Variants in FGGY observed in about 807,000 individuals in gnomAD.
FGGY encodes FGGY carbohydrate kinase domain containing.
FGGY carries 72 observed loss-of-function variants against 71.3 expected under a neutral mutation model. That is an observed-to-expected ratio of 1.01 (90% CI 0.84 to 1.23). The LOEUF is 1.23. Among genes scored for constraint, FGGY ranks in the 50% most tolerant of loss-of-function variants. The probability of loss-of-function intolerance (pLI) is 0.00; values close to 1 mark genes in which losing one functional copy is unlikely to be tolerated. For missense variants in FGGY, 668 were observed against 682.3 expected (o/e 0.98, Z 0.23); for synonymous variants, 251 against 250.3 (o/e 1.00, Z -0.02).
intron 14 of FGGY, among the ~76,000 whole-genome samples, chr1:59,718,794 C>T (rs1478084354): frequency 6.6e-6 from 1 of 152,192 alleles, no homozygotes; most frequent in African/African-American, 2.4e-5. Context: ...TACAAAGGCC[C>T]CTTGCCAAGC....
chr1:59,670,736 T>C (rs2097370206), intron 13 of FGGY, among the ~76,000 whole-genome samples: 1 of 152,128 alleles, frequency 6.6e-6, no homozygotes, highest in Admixed American at 6.5e-5. Context: ...AAGCAGCTTA[T>C]TATTTTGAAA....
At chr1:59,535,685 A>G (rs1462295445) in intron 7 of FGGY, among the ~76,000 whole-genome samples, 1 of 150,702 alleles carries the variant, frequency 6.6e-6, no homozygotes, top group Non-Finnish European at 1.5e-5. Flanking sequence ...ATCTCACTCA[A>G]AACCGCTCAA....
chr1:59,753,446 G>A (rs1160496876), intron 14 of FGGY, among the ~76,000 whole-genome samples: 4 of 124,204 alleles, frequency 3.2e-5, no homozygotes, highest in Non-Finnish European at 4.9e-5. Flanking sequence ...CATTTTGACT[G>A]TCTTTATAAG....
chr1:59,533,699 G>A (rs12085893), intron 7 of FGGY, among the ~76,000 whole-genome samples: 4,797 of 146,256 alleles, frequency 0.033, 255 homozygotes, highest in African/African-American at 0.12. Context: ...CCTGAACCCC[G>A]AGCAGCCTAA....
intron 2 of FGGY, among the ~76,000 whole-genome samples, chr1:59,328,354 C>T (rs1023919472): frequency 2.6e-5 from 4 of 152,294 alleles, no homozygotes; most frequent in Non-Finnish European, 5.9e-5. Flanking sequence ...TTTACTTAAA[C>T]CTCCTGAACC....
intron 11 of FGGY, among the ~76,000 whole-genome samples, chr1:59,653,527 C>T (rs547506205): frequency 1.4e-4 from 21 of 152,140 alleles, no homozygotes; most frequent in East Asian, 1.9e-4. Flanking sequence ...CAGGTGCGTC[C>T]GTCACCCCTT....
intron 4 of FGGY, among the ~76,000 whole-genome samples, chr1:59,358,914 T>C (rs1570944375): frequency 6.6e-6 from 1 of 152,174 alleles, no homozygotes; most frequent in Non-Finnish European, 1.5e-5. Context: ...GATGAAGAAA[T>C]TGAGGATGGA....
chr1:59,516,999 A>G (rs1447356474), intron 7 of FGGY, among the ~76,000 whole-genome samples: 1 of 152,148 alleles, frequency 6.6e-6, no homozygotes, highest in Non-Finnish European at 1.5e-5. Context: ...GGGAATAAAA[A>G]TCAATGATAA....
At chr1:59,492,032 A>G (rs1331839583) in intron 6 of FGGY, among the ~76,000 whole-genome samples, 1 of 152,146 alleles carries the variant, frequency 6.6e-6, no homozygotes, top group Non-Finnish European at 1.5e-5. Context: ...TTAGGGTGAT[A>G]AAGCTAATAT....
intron 14 of FGGY, among the ~76,000 whole-genome samples, chr1:59,681,991 A>G (rs1311753991): frequency 3.9e-5 from 6 of 152,232 alleles, no homozygotes; most frequent in African/African-American, 1.4e-4. Context: ...TCTGCAGTGA[A>G]CCATAAAAAA....
intron 8 of FGGY, among the ~76,000 whole-genome samples, chr1:59,607,322 C>G (rs1479453705): frequency 6.6e-6 from 1 of 152,190 alleles, no homozygotes. Context: ...GAGCGAAAGA[C>G]AGAACAGAAG....
At chr1:59,748,652 G>A (rs1035482892) in intron 14 of FGGY, among the ~76,000 whole-genome samples, 2 of 152,198 alleles carry the variant, frequency 1.3e-5, no homozygotes, top group Non-Finnish European at 2.9e-5. Context: ...TTCAAAAAGC[G>A]ATGGAACACT....
chr1:59,741,420 T>C (rs1368479289), intron 14 of FGGY, among the ~76,000 whole-genome samples: 32 of 152,188 alleles, frequency 2.1e-4, no homozygotes, highest in Admixed American at 2.1e-3. Context: ...GCTTGCCTTC[T>C]GTCATGATTG....
At chr1:59,734,666 T>A (rs1290352435) in intron 14 of FGGY, among the ~76,000 whole-genome samples, 2 of 152,356 alleles carry the variant, frequency 1.3e-5, no homozygotes, top group Non-Finnish European at 1.5e-5. Context: ...ATGAGGTGAT[T>A]GAGGAATGCC....
At chr1:59,428,850 A>G (rs1051111178) in intron 5 of FGGY, among the ~76,000 whole-genome samples, 1 of 152,198 alleles carries the variant, frequency 6.6e-6, no homozygotes, top group Non-Finnish European at 1.5e-5. Context: ...TGGCAGCATT[A>G]GAGGTGCTTT....
chr1:59,521,813 T>C (rs2094842134), intron 7 of FGGY, among the ~76,000 whole-genome samples: 1 of 152,204 alleles, frequency 6.6e-6, no homozygotes. Flanking sequence ...ACTCCTGATT[T>C]GTTATTCCAT....
At chr1:59,566,157 A>C (rs1259392247) in intron 8 of FGGY, among the ~76,000 whole-genome samples, 1 of 152,018 alleles carries the variant, frequency 6.6e-6, no homozygotes, top group Non-Finnish European at 1.5e-5. Flanking sequence ...AGTAACCCTC[A>C]GTAAGAGGAG....
In FGGY at chr1:59,378,825, G is replaced by A; in HGVS notation, c.542G>A (p.Gly181Asp). ...LPDFLSWKAT[G>D]VTARSLCSLV... is the part of the protein sequence containing the mutation. ...GACTTCTTATCGTGGAAGGCAACAG[G>A]TGTCACAGCACGGTATGTTAATTAC... Residue 181 changes from glycine to aspartate, a missense_variant, in exon 5 of 16, where the codon GGT (glycine) becomes GAT (aspartate). Gly to Asp is a moderately conservative substitution (Grantham distance 94). This residue lies in a region of FGGY where 661 missense variants were observed against 661.6 expected (regional missense o/e 1.00). Coordinates refer to ENST00000303721, the MANE Select transcript of FGGY (RefSeq NM_018291.5). 1.2e-6 allele frequency: 2 copies of A among 1,613,086 alleles called. No homozygotes were observed. The highest frequency in any genetic ancestry group is 1.7e-4 in the Middle Eastern group (1 of 6,058).
At chr1:59,673,405 G>A (rs1052049899) in intron 13 of FGGY, among the ~76,000 whole-genome samples, 4 of 152,160 alleles carry the variant, frequency 2.6e-5, no homozygotes, top group African/African-American at 9.7e-5. Flanking sequence ...GAAGCAGCAA[G>A]GAGGCCAGGA....
Sources: gnomAD v4.1 joint callset for allele counts (sites outside exome capture counted in the v4.1 genomes callset) on GRCh38, gnomAD v4.1.1 for gene constraint, gnomAD v4.1.1 regional missense constraint, MANE v1.5 for transcripts, NCBI Gene and HGNC (gene_info 2026-07-23, HGNC 2026-07-21) for gene names.